ZSWIM2: variants seen among roughly 807,000 people sequenced by gnomAD.
ZSWIM2 encodes zinc finger SWIM-type containing 2.
In ZSWIM2, 38 loss-of-function variants were observed where a neutral mutation model predicts 48.4. The ratio of observed to expected loss-of-function variants is 0.79; its 90% CI spans 0.61 to 1.03. The LOEUF (loss-of-function observed/expected upper bound fraction) is 1.03, where lower values mean the gene tolerates loss of function less well. Ranked by LOEUF, ZSWIM2 falls within the 50% of genes least tolerant of loss-of-function variation. The pLI, the probability that ZSWIM2 is intolerant of heterozygous loss-of-function variation, is 0.00. For missense variants in ZSWIM2, 776 were observed against 730.2 expected (o/e 1.06, Z -0.72); for synonymous variants, 240 against 251.3 (o/e 0.96, Z 0.42).
intron 3 of ZSWIM2, 28 bp downstream of exon 3, chr2:186,844,685 AAAAC>A: frequency 6.5e-7 from 1 of 1,535,002 alleles, no homozygotes; most frequent in African/African-American, 1.5e-5. Context: ...AAATAAAAAA[AAAAC>A]ACAAAAAACC....
intron 4 of ZSWIM2, 54 bp downstream of exon 4, chr2:186,838,905 A>C (rs557740150): frequency 4.3e-5 from 65 of 1,514,230 alleles, no homozygotes; most frequent in Non-Finnish European, 5.8e-5. Context: ...TAAATCAGAA[A>C]TATGTTTTAG....
chr2:186,841,403 A>G (rs1222738364), intron 3 of ZSWIM2, among the ~76,000 whole-genome samples: 2 of 151,374 alleles, frequency 1.3e-5, no homozygotes, highest in Non-Finnish European at 3.0e-5. Flanking sequence ...ACATGAATCC[A>G]AAAAACAAAT....
At chr2:186,840,045 AC>A (rs61163036) in intron 3 of ZSWIM2, among the ~76,000 whole-genome samples, 150,544 of 151,332 alleles carry the variant, frequency 0.99, 74,885 homozygotes, top group East Asian at 1. Flanking sequence ...TTCTGGAAAG[AC>A]CCCCCCCAAC....
At chr2:186,840,064 T>C (rs1691876906) in intron 3 of ZSWIM2, among the ~76,000 whole-genome samples, 1 of 151,384 alleles carries the variant, frequency 6.6e-6, no homozygotes, top group Non-Finnish European at 1.5e-5. Flanking sequence ...AACTAAACAC[T>C]AAAATACTGA....
chr2:186,830,887 C>G (rs1302395832), intron 7 of ZSWIM2, among the ~76,000 whole-genome samples: 1 of 152,132 alleles, frequency 6.6e-6, no homozygotes, highest in Admixed American at 6.6e-5. Flanking sequence ...AAAAGTCATT[C>G]AGAACAAAGT....
At chr2:186,844,691 C>CA in intron 3 of ZSWIM2, 26 bp downstream of exon 3, 2 of 1,530,282 alleles carry the variant, frequency 1.3e-6, no homozygotes, top group South Asian at 1.3e-5. Context: ...AAAAAAAACA[C>CA]AAAAAACCCA....
intron 1 of ZSWIM2, 87 bp downstream of exon 1, chr2:186,848,879 T>C (rs777405285): frequency 3.3e-6 from 5 of 1,538,104 alleles, no homozygotes; most frequent in South Asian, 1.2e-5. Context: ...GAGATTGTGA[T>C]GGTGGCTACG....
At chr2:186,843,164 T>C (rs10169671) in intron 3 of ZSWIM2, among the ~76,000 whole-genome samples, 22,118 of 151,576 alleles carry the variant, frequency 0.15, 2,525 homozygotes, top group African/African-American at 0.33. Flanking sequence ...TATATTTCCA[T>C]TGGACAGCCT....
intron 5 of ZSWIM2, among the ~76,000 whole-genome samples, chr2:186,835,228 C>A (rs1198405574): frequency 2.0e-5 from 3 of 151,886 alleles, no homozygotes; most frequent in African/African-American, 2.4e-5. Context: ...AAACTATTGA[C>A]AAGTCAAAAA....
chr2:186,837,140 C>T (rs1691807345), intron 5 of ZSWIM2, among the ~76,000 whole-genome samples, 166 bp downstream of exon 5: 1 of 152,004 alleles, frequency 6.6e-6, no homozygotes, highest in Admixed American at 6.6e-5. Flanking sequence ...AGATACTGGA[C>T]TGAGATAGAA....
chr2:186,835,929 T>G (rs1691785601), intron 5 of ZSWIM2, among the ~76,000 whole-genome samples: 1 of 151,858 alleles, frequency 6.6e-6, no homozygotes, highest in Non-Finnish European at 1.5e-5. Context: ...GGGTCACTAG[T>G]GGGCAGGGGG....
Position 186,838,703 on chromosome 2 carries a change from AAT to A in ZSWIM2, c.494+254_494+255del, listed in dbSNP as rs1040091375. 4.1e-4 allele frequency among the ~76,000 whole-genome samples: 60 copies of A among 147,030 alleles called. 2 individuals carry two copies. The highest frequency in any genetic ancestry group is 6.9e-4 in the Admixed American group (10 of 14,522). On this transcript the variant is annotated intron_variant, in intron 4 of 8. Coordinates refer to ENST00000295131, the MANE Select transcript of ZSWIM2 (RefSeq NM_182521.3). Reference sequence around the variant, plus strand: ...GCTTCCTAACATATATGTTATATATAATATATATATTTCTATGATATATATTT... The same window carrying A: ...GCTTCCTAACATATATGTTATATATAATATATATTTCTATGATATATATTT...
At chr2:186,830,441 G>T (rs1252834988) in intron 7 of ZSWIM2, among the ~76,000 whole-genome samples, 2 of 152,050 alleles carry the variant, frequency 1.3e-5, no homozygotes, top group Non-Finnish European at 2.9e-5. Flanking sequence ...TAAAATTTTT[G>T]AGTTTGAGTC....
At chr2:186,836,564 A>G (rs10204903) in intron 5 of ZSWIM2, among the ~76,000 whole-genome samples, 24,843 of 152,048 alleles carry the variant, frequency 0.16, 2,836 homozygotes, top group African/African-American at 0.33. Context: ...GATTGGGCTC[A>G]TCATAATGTA....
intron 2 of ZSWIM2, among the ~76,000 whole-genome samples, chr2:186,846,992 A>G (rs1038831893): frequency 1.3e-5 from 2 of 151,728 alleles, no homozygotes; most frequent in African/African-American, 2.4e-5. Context: ...ACATGGACAT[A>G]TAGAGTGAAA....
Position 186,837,348 on chromosome 2 carries a change from C to G in ZSWIM2, c.701G>C (p.Cys234Ser). 6.2e-7 allele frequency: 1 copy of G among 1,612,832 alleles called. No homozygotes were observed. Among genetic ancestry groups the G allele is most frequent in the Non-Finnish European group, 8.5e-7 (1 of 1,179,204 alleles). ...ERLDKHLGIPCNNCKQFPIEG... is the reference protein window; with the variant it reads ...ERLDKHLGIPSNNCKQFPIEG... ...AATTGGAAACTGTTTGCAGTTATTA[C>G]AGGGAATCCCAAGGTGTTTGTCCAG... is the stretch of plus-strand genomic sequence containing the variant. Residue 234 changes from cysteine (C) to serine (S), a missense_variant, in exon 5 of 9, where the codon TGT becomes TCT. Transcript: ENST00000295131.
rs1411246059 is a variant in ZSWIM2 at position 186,849,078 on chromosome 2, C to T, written c.53G>A (p.Arg18Lys). The T allele has an allele frequency of 2.5e-6, 4 of 1,614,132 alleles. No individual in the cohort carries two copies. The highest frequency in any genetic ancestry group is 3.4e-6 in the Non-Finnish European group (4 of 1,180,006). Reference protein sequence around the residue: ...ASERRRHLSERLSWHQDQALS... With the variant: ...ASERRRHLSEKLSWHQDQALS... ...CGCCTGGTCTTGGTGCCAGCTGAGC[C>T]TCTCGCTCAAGTGTCTTCGCCTTTC... is the stretch of plus-strand genomic sequence containing the variant. Residue 18 changes from arginine to lysine, a missense_variant, in exon 1 of 9, where the codon AGG becomes AAG. By Grantham distance (26) the Arg-to-Lys change is conservative (BLOSUM62 2). Transcript: ENST00000295131.
chr2:186,846,806 C>CATATATATATATATATATATATATATAT (rs1388154833), intron 2 of ZSWIM2, among the ~76,000 whole-genome samples: 75 of 43,226 alleles, frequency 1.7e-3, no homozygotes, highest in African/African-American at 6.5e-3. Flanking sequence ...TACACACACA[C>CATATATATATATATATATATATATATAT]ACACATATAT....
Position 186,839,117 on chromosome 2 carries a change from C to G in ZSWIM2, c.336G>C (p.Gly112=), listed in dbSNP as rs1691857504. The G allele has an allele frequency of 1.2e-6, 2 of 1,611,480 alleles. No homozygotes were observed. Among genetic ancestry groups the G allele is most frequent in the African/African-American group, 2.7e-5 (2 of 74,830 alleles). Residue 112 remains glycine (G), a synonymous_variant, in exon 4 of 9, where the codon GGG becomes GGC. Transcript: ENST00000295131. ...GTTGGGGAGTTTGAACTCGATGTAT[C>G]CCCCGAAGCAAGTCACTTATCTCTC... The part of the protein sequence containing the change: ...GEREISDLLR[G]IHRVQTPQPG...
Sources: gnomAD v4.1 joint callset for allele counts (sites outside exome capture counted in the v4.1 genomes callset) on GRCh38, gnomAD v4.1.1 for gene constraint, MANE v1.5 for transcripts, NCBI Gene and HGNC (gene_info 2026-07-23, HGNC 2026-07-21) for gene names.